The following ZNF385A variants were observed in gnomAD, a reference collection of about 807,000 sequenced individuals.
ZNF385A encodes the protein zinc finger protein 385A, also known as hematopoietic zinc finger protein.
Under a neutral mutation model 32.1 loss-of-function variants are expected in ZNF385A, and 14 were observed. The ratio of observed to expected loss-of-function variants is 0.44; its 90% CI spans 0.29 to 0.68. ZNF385A has a LOEUF of 0.68. Among genes scored for constraint, ZNF385A ranks in the 30% least tolerant of loss-of-function variants. The probability of loss-of-function intolerance (pLI) is 0.14; values close to 1 mark genes in which losing one functional copy is unlikely to be tolerated. For missense variants in ZNF385A, 406 were observed against 478.4 expected (o/e 0.85, Z 1.41); for synonymous variants, 197 against 202.7 (o/e 0.97, Z 0.24).
intron 1 of ZNF385A, among the ~76,000 whole-genome samples, chr12:54,389,853 G>T (rs1366068431): frequency 6.6e-6 from 1 of 152,092 alleles, no homozygotes; most frequent in African/African-American, 2.4e-5. Flanking sequence ...TGAGAAGGAG[G>T]CAGGCAACCA....
chr12:54,369,933 A>T lies in ZNF385A; in HGVS notation c.*323T>A. The T allele has an allele frequency of 4.3e-6, 1 of 231,804 alleles. No homozygotes were observed. The highest frequency in any genetic ancestry group is 1.3e-3 in the Middle Eastern group (1 of 780). The allele number at this position is 231,804 out of a possible 1,614,324, so 14.4% of individuals were successfully genotyped here. A position where few individuals can be genotyped will look rare whatever the true frequency, so the allele number is the denominator to read the frequency against. ...TGGCTTGTGAACCCCGTTTTGTGCT[A>T]GGTTTGGGGGGAAGGGCTGGATGGA... On this transcript the variant is annotated 3_prime_UTR_variant, in exon 7 of 7. Coordinates refer to ENST00000394313, the MANE Select transcript of ZNF385A (RefSeq NM_015481.3).
chr12:54,385,290 G>A (rs1955417279), upstream of ZNF385A: 1 of 152,256 alleles, frequency 6.6e-6, no homozygotes, highest in South Asian at 2.1e-4. Context: ...CCTGGCCTAT[G>A]GGCGGGGAAT....
exon 1 of ZNF385A, chr12:54,391,244 T>C: frequency 7.5e-7 from 1 of 1,333,136 alleles, no homozygotes. Context: ...CCGAGGATCA[T>C]GCTGGGGACC....
Position 54,370,739 on chromosome 12 carries a change from TA to T in ZNF385A, c.775-19del. The T allele has an allele frequency of 6.3e-7, 1 of 1,578,854 alleles. No homozygotes were observed. The highest frequency in any genetic ancestry group is 8.6e-7 in the Non-Finnish European group (1 of 1,166,030). On this transcript the variant is annotated intron_variant, in intron 5 of 6. Transcript: ENST00000394313. The surrounding 1 kb of genome is among the most constrained non-coding windows in gnomAD (Gnocchi z 5.5). ...GAGATGTGCTGCGGGGGCCAGTGGATAGGGGGCTGTGAGCTCCCGGAAAGGG... is the reference window on the plus strand; with the variant it reads ...GAGATGTGCTGCGGGGGCCAGTGGATGGGGGCTGTGAGCTCCCGGAAAGGG...
At chr12:54,373,822 A>C in intron 3 of ZNF385A, 151 bp downstream of exon 3, 4 of 736,678 alleles carry the variant, frequency 5.4e-6, no homozygotes. Flanking sequence ...ATTTTACATC[A>C]CTGTGCCTGG....
In ZNF385A at chr12:54,374,110, C is replaced by T. The variant is rs747539533; in HGVS notation, c.224G>A (p.Gly75Asp). The T allele has an allele frequency of 6.4e-7, 1 of 1,569,266 alleles. No individual in the cohort carries two copies. The highest frequency in any genetic ancestry group is 8.7e-7 in the Non-Finnish European group (1 of 1,152,404). ...SQSQAEAHYK[G>D]NRHARRVKGI... ...TTTGACTCGTCGGGCGTGGCGATTA[C>T]CTTTGTAGTGCGCCTCAGCCTGGCT... Residue 75 changes from glycine (G) to aspartate (D), a missense_variant, in exon 3 of 7, where the codon GGT becomes GAT. By Grantham distance (94) the Gly-to-Asp change is moderately conservative. Transcript: ENST00000394313.
intron 2 of ZNF385A, among the ~76,000 whole-genome samples, chr12:54,374,774 A>G (rs962573873): frequency 7.9e-5 from 12 of 152,218 alleles, no homozygotes; most frequent in African/African-American, 2.6e-4. Context: ...GGGAAGGGCT[A>G]TCTGCTGTTG....
At position 54,374,045 on chromosome 12, in the gene ZNF385A, C is replaced by A; in HGVS notation, c.289G>T (p.Val97Phe). 3 of 1,601,244 alleles carry A rather than the reference C, an allele frequency of 1.9e-6. No individual in the cohort carries two copies. The highest frequency in any genetic ancestry group is 1.7e-6 in the Non-Finnish European group (2 of 1,171,430). ...AAKTRGREPG[V>F]REPGDPAPPG... ...GGAGCTGGGTCTCCAGGTTCTCGGA[C>A]GCCAGGCTCCCTGCCTCTGGTCTTG... The change falls in exon 3 of 7, where the codon GTC becomes TTC. Residue 97 changes from valine (V) to phenylalanine (F), a missense_variant. Val to Phe is a conservative substitution (Grantham distance 50). Transcript: ENST00000394313.
At chr12:54,378,672 T>C (rs1006302069) in intron 1 of ZNF385A, among the ~76,000 whole-genome samples, 4 of 150,948 alleles carry the variant, frequency 2.6e-5, no homozygotes, top group African/African-American at 4.9e-5. Context: ...AGGACTGAGA[T>C]AGGAAAGAGA....
Position 54,370,494 on chromosome 12 carries a change from G to C in ZNF385A, c.871-8C>G. On this transcript the variant is annotated splice_region_variant and splice_polypyrimidine_tract_variant and intron_variant, in intron 6 of 6. Transcript: ENST00000394313. The surrounding 1 kb of genome is among the most constrained non-coding windows in gnomAD (Gnocchi z 5.5). Reference sequence around the variant, plus strand: ...GGAGAAAGTCAGCGTGCCCTGAAGCGGGCGAAAGGCGGAGGAAGAGAAGTC... The same window carrying C: ...GGAGAAAGTCAGCGTGCCCTGAAGCCGGCGAAAGGCGGAGGAAGAGAAGTC... 1 of 1,551,134 alleles carries C rather than the reference G, an allele frequency of 6.4e-7. No individual in the cohort carries two copies. Among genetic ancestry groups the C allele is most frequent in the Non-Finnish European group, 8.7e-7 (1 of 1,146,834 alleles).
chr12:54,384,765 G>A (rs1425841371), upstream of ZNF385A: 1 of 1,255,976 alleles, frequency 8.0e-7, no homozygotes, highest in African/African-American at 1.6e-5. Flanking sequence ...GTGTAGACCA[G>A]TCCTTCCCTT....
At position 54,374,083 on chromosome 12, in the gene ZNF385A, C is replaced by A. The variant is rs761796622; in HGVS notation, c.251G>T (p.Gly84Val). The change falls in exon 3 of 7, where the codon GGC becomes GTC. Residue 84 changes from glycine (G) to valine (V), a missense_variant. Gly to Val is a moderately radical substitution (Grantham distance 109, BLOSUM62 -3). Transcript: ENST00000394313. ...KGNRHARRVK[G>V]IEAAKTRGRE... ...GCCTCTGGTCTTGGCAGCCTCAATG[C>A]CTTTGACTCGTCGGGCGTGGCGATT... 3.8e-6 allele frequency: 6 copies of A among 1,597,952 alleles called. No individual in the cohort carries two copies. In the East Asian group the frequency reaches 1.4e-4, roughly 36 times the overall value.
chr12:54,381,782 G>C (rs1341420435), intron 1 of ZNF385A, among the ~76,000 whole-genome samples: 2 of 152,174 alleles, frequency 1.3e-5, no homozygotes, highest in African/African-American at 4.8e-5. Flanking sequence ...ACCTGCTCCA[G>C]GTTAAATCCC....
Position 54,370,019 on chromosome 12 carries a change from T to G in ZNF385A, c.*237A>C. The G allele has an allele frequency of 2.5e-6, 1 of 398,644 alleles. No individual in the cohort carries two copies. Among genetic ancestry groups the G allele is most frequent in the East Asian group, 3.8e-5 (1 of 26,652 alleles). The allele number at this position is 398,644 out of a possible 1,614,324, so 24.7% of individuals were successfully genotyped here. A position where few individuals can be genotyped will look rare whatever the true frequency, so the allele number is the denominator to read the frequency against. On this transcript the variant is annotated 3_prime_UTR_variant, in exon 7 of 7. Transcript: ENST00000394313. This position sits in a 1 kb window ranked among gnomAD's most constrained non-coding sequence, Gnocchi z 5.5. ...CTCGGGGGTGAGACGGCCCCCCCTT[T>G]TCTAGGGGAGAGGGAAAGGCAGGGG...
Position 54,375,907 on chromosome 12 carries a change from G to A in ZNF385A, c.135C>T (p.Pro45=), listed in dbSNP as rs1365454929. Reference sequence around the variant, plus strand: ...TGACGGGCCGCTTGGTCTTGAGCAAGGGTCCCCCAAAAGTGTGGGAGAGCA... The same window carrying A: ...TGACGGGCCGCTTGGTCTTGAGCAAAGGTCCCCCAAAAGTGTGGGAGAGCA... ...KAVLSHTFGG[P]LLKTKRPVIS... is the part of the protein sequence containing the mutation. Residue 45 remains proline (P), a synonymous_variant, in exon 2 of 7, where the codon CCC becomes CCT. Coordinates refer to ENST00000394313, the MANE Select transcript of ZNF385A (RefSeq NM_015481.3). 1.2e-6 allele frequency: 2 copies of A among 1,614,166 alleles called. No homozygotes were observed. The highest frequency in any genetic ancestry group is 1.3e-5 in the African/African-American group (1 of 75,038).
rs1352869066 is a variant in ZNF385A at position 54,371,723 on chromosome 12, T to C, written c.362-8A>G. 6.2e-7 allele frequency: 1 copy of C among 1,611,460 alleles called. No homozygotes were observed. The highest frequency in any genetic ancestry group is 2.2e-5 in the East Asian group (1 of 44,860). On this transcript the variant is annotated splice_region_variant and splice_polypyrimidine_tract_variant and intron_variant, in intron 3 of 6. Coordinates refer to ENST00000394313, the MANE Select transcript of ZNF385A (RefSeq NM_015481.3). ...GTCCATTCTCCATGGAAACTGTTGT[T>C]GGGGGAGAAACATGGGGATCACCCT... is the stretch of plus-strand genomic sequence containing the variant.
chr12:54,379,138 G>A (rs1409178869), intron 1 of ZNF385A: 4 of 981,334 alleles, frequency 4.1e-6, no homozygotes, highest in East Asian at 1.1e-4. Context: ...GCGCCTGGCC[G>A]GGCCGGGCAG....
intron 4 of ZNF385A, 130 bp downstream of exon 4, chr12:54,371,343 G>T: frequency 7.7e-7 from 1 of 1,297,258 alleles, no homozygotes; most frequent in Non-Finnish European, 1.1e-6. Context: ...GATGGCTGGA[G>T]AAGGAGACAG....
upstream of ZNF385A, among the ~76,000 whole-genome samples, chr12:54,389,272 G>A (rs2120380780): frequency 6.6e-6 from 1 of 152,290 alleles, no homozygotes; most frequent in East Asian, 1.9e-4. Flanking sequence ...TCCCTCCACG[G>A]CTACCATGCA....
Sources: allele counts gnomAD v4.1 joint callset (sites outside exome capture counted in the v4.1 genomes callset), GRCh38; gene constraint gnomAD v4.1.1; non-coding constraint Gnocchi (gnomAD v3.1); transcripts MANE v1.5; gene names NCBI Gene and HGNC (gene_info 2026-07-23, HGNC 2026-07-21).